Variants in BMPR2 observed in about 807,000 individuals in gnomAD.
BMPR2 encodes bone morphogenetic protein receptor type-2.
BMPR2 carries 29 observed loss-of-function variants against 100.8 expected under a neutral mutation model. That is an observed-to-expected ratio of 0.29 (90% CI 0.21 to 0.39). The LOEUF (loss-of-function observed/expected upper bound fraction) is 0.39. Ranked by LOEUF, BMPR2 falls within the 10% of genes least tolerant of loss-of-function variation. The probability of loss-of-function intolerance (pLI) is 1.00; values close to 1 mark genes in which losing one functional copy is unlikely to be tolerated. For synonymous variants in BMPR2, 382 were observed against 442.3 expected (o/e 0.86, Z 1.71); for missense variants, 1,011 against 1,274.5 (o/e 0.79, Z 3.15).
At chr2:202,378,451 G>GT (rs1335759108) in intron 1 of BMPR2, among the ~76,000 whole-genome samples, 3 of 152,138 alleles carry the variant, frequency 2.0e-5, no homozygotes, top group Non-Finnish European at 4.4e-5. Flanking sequence ...TTTAAAACGA[G>GT]TAAAGGACCA....
Position 202,555,719 on chromosome 2 carries a change from T to A in BMPR2, c.2054T>A (p.Leu685His). 6.2e-7 allele frequency: 1 copy of A among 1,614,104 alleles called. No homozygotes were observed. The highest frequency in any genetic ancestry group is 8.5e-7 in the Non-Finnish European group (1 of 1,180,038). Residue 685 changes from leucine to histidine, a missense_variant, in exon 12 of 13, where the codon CTC becomes CAC. Coordinates refer to ENST00000374580, the MANE Select transcript of BMPR2 (RefSeq NM_001204.7). ...KNLKESSDEN[L>H]MEHSLKQFSG... is the part of the protein sequence containing the mutation. Reference sequence around the variant, plus strand: ...CTCAAGGAAAGCTCTGATGAGAATCTCATGGAGCACTCTCTTAAACAGTTC... The same window carrying A: ...CTCAAGGAAAGCTCTGATGAGAATCACATGGAGCACTCTCTTAAACAGTTC...
In BMPR2 at chr2:202,397,668, T is replaced by G. The variant is rs115187941; in HGVS notation, c.76+20118T>G. Among the ~76,000 whole-genome samples, 34 of 151,646 alleles carry G rather than the reference T, an allele frequency of 2.2e-4. 1 individual carries two copies. Among genetic ancestry groups the G allele is most frequent in the South Asian group, 8.3e-4 (4 of 4,806 alleles). On this transcript the variant is annotated intron_variant, in intron 1 of 12. Transcript: ENST00000374580. ...GGCATGCCACCACGCCCACCTAATTTAAAAAATTTTTTTTAGAGACAGGGT... is the reference window on the plus strand; with the variant it reads ...GGCATGCCACCACGCCCACCTAATTGAAAAAATTTTTTTTAGAGACAGGGT...
At chr2:202,469,062 C>T (rs910498813) in intron 3 of BMPR2, among the ~76,000 whole-genome samples, 35 of 151,822 alleles carry the variant, frequency 2.3e-4, no homozygotes, top group African/African-American at 8.2e-4. Flanking sequence ...TGGAGTTTCG[C>T]TCTTGTTGCC....
chr2:202,392,947 G>A (rs1257392861), intron 1 of BMPR2, among the ~76,000 whole-genome samples: 2 of 147,338 alleles, frequency 1.4e-5, no homozygotes, highest in Non-Finnish European at 3.0e-5. Context: ...AGCCGAGATC[G>A]TGCCATTGAC....
chr2:202,382,004 A>T (rs1346850512), intron 1 of BMPR2, among the ~76,000 whole-genome samples: 1 of 146,106 alleles, frequency 6.8e-6, no homozygotes, highest in East Asian at 2.0e-4. Context: ...CACACCACTT[A>T]TTTTGGCACC....
chr2:202,528,417 G>A (rs1232266893), intron 7 of BMPR2, among the ~76,000 whole-genome samples: 1 of 152,076 alleles, frequency 6.6e-6, no homozygotes, highest in African/African-American at 2.4e-5. Context: ...TCGATCTCCT[G>A]ACCTCGTGAT....
intron 3 of BMPR2, among the ~76,000 whole-genome samples, chr2:202,477,772 G>A (rs1414612708): frequency 6.6e-6 from 1 of 152,046 alleles, no homozygotes; most frequent in Non-Finnish European, 1.5e-5. Context: ...GGGCGACAGA[G>A]TGAGACTCCA....
At chr2:202,402,769 C>T (rs1559027081) in intron 1 of BMPR2, among the ~76,000 whole-genome samples, 1 of 151,188 alleles carries the variant, frequency 6.6e-6, no homozygotes, top group Non-Finnish European at 1.5e-5. Flanking sequence ...TGGGTTCAAG[C>T]TATTCTTATG....
At chr2:202,507,237 T>G (rs1024714273) in intron 3 of BMPR2, among the ~76,000 whole-genome samples, 2 of 152,160 alleles carry the variant, frequency 1.3e-5, no homozygotes, top group Non-Finnish European at 2.9e-5. Context: ...TTAAATCCAT[T>G]TAGTTTCCTT....
chr2:202,491,976 A>G (rs2105982409), intron 3 of BMPR2, among the ~76,000 whole-genome samples: 1 of 152,318 alleles, frequency 6.6e-6, no homozygotes, highest in Admixed American at 6.5e-5. Context: ...ATAGAAAAAC[A>G]GCCCTGAATT....
chr2:202,471,239 T>C (rs1241441797), intron 3 of BMPR2, among the ~76,000 whole-genome samples: 4 of 152,170 alleles, frequency 2.6e-5, no homozygotes, highest in Admixed American at 2.6e-4. Context: ...ATGAGTAGAA[T>C]GTCAAGTGCC....
intron 4 of BMPR2, among the ~76,000 whole-genome samples, 185 bp downstream of exon 4, chr2:202,514,014 A>G (rs1187183384): frequency 1.3e-5 from 2 of 152,100 alleles, no homozygotes; most frequent in African/African-American, 4.8e-5. Flanking sequence ...ACCCCTTTCC[A>G]TGCCACTGGA....
chr2:202,542,479 C>T (rs1294240034), intron 10 of BMPR2, 32 bp downstream of exon 10: 1 of 1,609,650 alleles, frequency 6.2e-7, no homozygotes, highest in Non-Finnish European at 8.5e-7. Flanking sequence ...AAAGAGAGGA[C>T]TTATGACTGA....
intron 10 of BMPR2, among the ~76,000 whole-genome samples, chr2:202,550,947 C>CTTTTTTTTT (rs34364158): frequency 1.5e-5 from 1 of 68,310 alleles, no homozygotes; most frequent in Non-Finnish European, 2.6e-5. Flanking sequence ...AGCATATCAG[C>CTTTTTTTTT]TTTTTTTTTT....
At chr2:202,531,903 C>T (rs1559066780) in intron 8 of BMPR2, among the ~76,000 whole-genome samples, 1 of 137,478 alleles carries the variant, frequency 7.3e-6, no homozygotes. Context: ...GCTGCAATTA[C>T]AAGTGTGAGC....
In BMPR2 at chr2:202,503,366, T is replaced by C. The variant is rs1687443900; in HGVS notation, c.419-10353T>C. 6.6e-6 allele frequency among the ~76,000 whole-genome samples: 1 copy of C among 152,148 alleles called. No homozygotes were observed. The highest frequency in any genetic ancestry group is 6.5e-5 in the Admixed American group (1 of 15,286). ...AAGGCCGGAGCCCACTCCCTCAGCT[T>C]GCAGGGAGGTGTGGAGGGAGAGGCG... On this transcript the variant is annotated intron_variant, in intron 3 of 12. Coordinates refer to ENST00000374580, the MANE Select transcript of BMPR2 (RefSeq NM_001204.7). The surrounding 1 kb of genome is among the most constrained non-coding windows in gnomAD (Gnocchi z 4.0).
chr2:202,451,190 A>C (rs1691971571), intron 1 of BMPR2, among the ~76,000 whole-genome samples: 3 of 152,204 alleles, frequency 2.0e-5, no homozygotes, highest in African/African-American at 7.2e-5. Context: ...AATTTCTATC[A>C]GTTAAACTTA....
intron 3 of BMPR2, chr2:202,474,825 G>A (rs928759617): frequency 4.6e-5 from 7 of 151,962 alleles, no homozygotes; most frequent in South Asian, 2.1e-4. Context: ...CTGCTGGAAA[G>A]GTCACTTATT....
At chr2:202,523,356 T>G (rs192442090) in intron 7 of BMPR2, among the ~76,000 whole-genome samples, 193 of 152,264 alleles carry the variant, frequency 1.3e-3, no homozygotes, top group African/African-American at 4.5e-3. Context: ...GAAATACCAT[T>G]TGACCCAGCA....
Sources: gnomAD v4.1 joint callset for allele counts (sites outside exome capture counted in the v4.1 genomes callset) on GRCh38, gnomAD v4.1.1 for gene constraint, Gnocchi (gnomAD v3.1) non-coding constraint, MANE v1.5 for transcripts, NCBI Gene and HGNC (gene_info 2026-07-23, HGNC 2026-07-21) for gene names.